The following MACROD2 variants were observed in gnomAD, a reference collection of about 807,000 sequenced individuals.
MACROD2 encodes mono-ADP ribosylhydrolase 2, also known as ADP-ribose glycohydrolase MACROD2.
A neutral mutation model predicts 70.4 loss-of-function variants in MACROD2; 36 were observed. That is an observed-to-expected ratio of 0.51 (90% CI 0.39 to 0.68). The LOEUF (loss-of-function observed/expected upper bound fraction) is 0.68. MACROD2 is among the 30% of genes least tolerant of loss of function. MACROD2 has a pLI of 0.00. For synonymous variants in MACROD2, 172 were observed against 178.8 expected (o/e 0.96, Z 0.30); for missense variants, 496 against 538.4 (o/e 0.92, Z 0.78).
At chr20:14,058,721 G>T (rs1400295475) in intron 2 of MACROD2, among the ~76,000 whole-genome samples, 1 of 145,784 alleles carries the variant, frequency 6.9e-6, no homozygotes, top group Non-Finnish European at 1.5e-5. Context: ...TCGGCTCACT[G>T]CAACCTCTGC....
At chr20:15,603,429 A>AC (rs1454737675) in intron 8 of MACROD2, among the ~76,000 whole-genome samples, 6 of 150,066 alleles carry the variant, frequency 4.0e-5, no homozygotes, top group African/African-American at 1.5e-4. Flanking sequence ...AATCGCTTGA[A>AC]CCCGGGAGGT....
At chr20:14,389,673 A>G (rs1204683450) in intron 3 of MACROD2, among the ~76,000 whole-genome samples, 2 of 152,204 alleles carry the variant, frequency 1.3e-5, no homozygotes, top group Non-Finnish European at 1.5e-5. Flanking sequence ...CTGCATTTTT[A>G]CATTTGCTTA....
chr20:14,270,230 T>G (rs2082179995), intron 3 of MACROD2, among the ~76,000 whole-genome samples: 1 of 152,174 alleles, frequency 6.6e-6, no homozygotes, highest in African/African-American at 2.4e-5. Flanking sequence ...CACACACATA[T>G]ATGTCTACAT....
chr20:15,973,535 A>T (rs1217754317), intron 13 of MACROD2, among the ~76,000 whole-genome samples: 1 of 152,234 alleles, frequency 6.6e-6, no homozygotes, highest in Non-Finnish European at 1.5e-5. Flanking sequence ...CAAAGAGATC[A>T]CATGACAGTA....
intron 4 of MACROD2, among the ~76,000 whole-genome samples, chr20:14,641,405 G>A (rs908771749): frequency 6.6e-6 from 1 of 152,178 alleles, no homozygotes; most frequent in African/African-American, 2.4e-5. Context: ...GTTGATGTTT[G>A]AATTTTCTTC....
intron 10 of MACROD2, among the ~76,000 whole-genome samples, chr20:15,927,939 G>A (rs1377417520): frequency 6.6e-6 from 1 of 152,200 alleles, no homozygotes; most frequent in Non-Finnish European, 1.5e-5. Flanking sequence ...GGTTTGGACA[G>A]AGTCGGAAGG....
intron 3 of MACROD2, among the ~76,000 whole-genome samples, chr20:14,277,274 C>T (rs2082267490): frequency 6.6e-6 from 1 of 152,114 alleles, no homozygotes; most frequent in South Asian, 2.1e-4. Context: ...ATGGTGAAAC[C>T]CCGTCTCTAC....
intron 5 of MACROD2, among the ~76,000 whole-genome samples, chr20:14,879,534 A>G (rs2073587721): frequency 6.6e-6 from 1 of 152,216 alleles, no homozygotes. Context: ...GAGAGGCTAT[A>G]GAGGTGAAAT....
chr20:15,573,062 A>T (rs891952246), intron 8 of MACROD2, among the ~76,000 whole-genome samples: 1 of 152,180 alleles, frequency 6.6e-6, no homozygotes, highest in African/African-American at 2.4e-5. Flanking sequence ...TAATTGCAGA[A>T]AATTTGGAAC....
chr20:14,503,657 T>C (rs1419878163), intron 4 of MACROD2, among the ~76,000 whole-genome samples: 2 of 152,216 alleles, frequency 1.3e-5, no homozygotes, highest in Non-Finnish European at 2.9e-5. Flanking sequence ...CACATGGTTA[T>C]TTCTGACCAA....
intron 6 of MACROD2, among the ~76,000 whole-genome samples, chr20:15,318,619 C>T (rs1295383804): frequency 1.3e-5 from 2 of 152,068 alleles, no homozygotes; most frequent in Non-Finnish European, 2.9e-5. Flanking sequence ...AAGGATTATA[C>T]ATTATAACTA....
chr20:15,904,880 CAAAAAAA>C (rs10556594), intron 10 of MACROD2, among the ~76,000 whole-genome samples: 4,704 of 129,088 alleles, frequency 0.036, 174 homozygotes, highest in African/African-American at 0.094. Flanking sequence ...GACTCTGTCT[CAAAAAAA>C]AAAAAAAAAA....
chr20:14,646,957 G>A (rs1418188277), intron 4 of MACROD2, among the ~76,000 whole-genome samples: 1 of 152,066 alleles, frequency 6.6e-6, no homozygotes, highest in Non-Finnish European at 1.5e-5. Context: ...TGTTAGCTGA[G>A]AGGTGGGAAG....
In MACROD2 at chr20:15,559,077, A is replaced by C. The variant is rs528354525; in HGVS notation, c.645+59230A>C. 3.3e-5 allele frequency among the ~76,000 whole-genome samples: 5 copies of C among 152,216 alleles called. No homozygotes were observed. In the South Asian group the frequency reaches 8.3e-4, roughly 25 times the overall value. ...CCCCGTCTCTACTAAAAATACAAAA[A>C]TTAGCTGGGCATGGTGGCGCACGCC... On this transcript the variant is annotated intron_variant, in intron 8 of 17. Transcript: ENST00000684519.
intron 6 of MACROD2, among the ~76,000 whole-genome samples, chr20:15,288,316 G>A (rs1402430737): frequency 1.3e-5 from 2 of 152,188 alleles, no homozygotes; most frequent in African/African-American, 4.8e-5. Context: ...CTGTCTCCAT[G>A]GTGAGCAGAA....
At position 14,938,007 on chromosome 20, in the gene MACROD2, T is replaced by G. The variant is rs6034068; in HGVS notation, c.418+253048T>G. ...CCATGTTGCTGCAGATAACAAGTTT[T>G]TTTTTTTTTTTTTTTCATTCTTTTT... On this transcript the variant is annotated intron_variant, in intron 5 of 17. Transcript: ENST00000684519. Among the ~76,000 whole-genome samples, 474 of 100,474 alleles carry G rather than the reference T, an allele frequency of 4.7e-3. 3 individuals are homozygous for G. The highest frequency in any genetic ancestry group is 0.021 in the African/African-American group (432 of 20,234). 65.9% of individuals were successfully genotyped at this position (100,474 alleles called of 152,430 possible).
chr20:14,924,406 T>A (rs915449249), intron 5 of MACROD2, among the ~76,000 whole-genome samples: 2 of 151,476 alleles, frequency 1.3e-5, no homozygotes, highest in African/African-American at 4.9e-5. Context: ...GCCACTGCAC[T>A]CTAGCCTGGG....
intron 3 of MACROD2, among the ~76,000 whole-genome samples, chr20:14,180,182 C>T (rs1258512475): frequency 6.6e-6 from 1 of 151,690 alleles, no homozygotes; most frequent in East Asian, 1.9e-4. Flanking sequence ...TTGGGTATTA[C>T]ACAGTAGGTA....
At chr20:15,660,806 C>T (rs888368213) in intron 8 of MACROD2, among the ~76,000 whole-genome samples, 10 of 151,866 alleles carry the variant, frequency 6.6e-5, no homozygotes, top group Admixed American at 6.6e-4. Flanking sequence ...CAGCTCAAGC[C>T]AAACATTCAG....
Sources: allele counts gnomAD v4.1 joint callset (sites outside exome capture counted in the v4.1 genomes callset), GRCh38; gene constraint gnomAD v4.1.1; transcripts MANE v1.5; gene names NCBI Gene and HGNC (gene_info 2026-07-23, HGNC 2026-07-21).